The following TMEM44 variants were observed in gnomAD, a reference collection of about 807,000 sequenced individuals.
TMEM44 encodes the protein transmembrane protein 44.
Under a neutral mutation model 47.8 loss-of-function variants are expected in TMEM44, and 43 were observed. That is an observed-to-expected ratio of 0.90 (90% CI 0.70 to 1.16). The LOEUF is 1.16. Ranked by LOEUF, TMEM44 falls within the 50% of genes most tolerant of loss-of-function variation. The probability of loss-of-function intolerance (pLI) is 0.00; values close to 1 mark genes in which losing one functional copy is unlikely to be tolerated. For synonymous variants in TMEM44, 277 were observed against 238.8 expected (o/e 1.16, Z -1.48); for missense variants, 568 against 555.2 (o/e 1.02, Z -0.23).
intron 7 of TMEM44, 147 bp downstream of exon 7, chr3:194,615,422 C>A (rs775758506): frequency 3.5e-6 from 4 of 1,144,306 alleles, no homozygotes; most frequent in African/African-American, 1.6e-5. Context: ...ATTCCCTCAG[C>A]GAGACAGGAC....
chr3:194,604,156 A>C lies in TMEM44; in HGVS notation c.1176+131T>G, dbSNP rs988700876. The C allele has an allele frequency of 4.3e-5, 52 of 1,213,088 alleles. No homozygotes were observed. The African/African-American group carries it at 7.6e-4, about 18-fold the overall frequency. The allele number at this position is 1,213,088 out of a possible 1,614,324, so 75.1% of individuals were successfully genotyped here. A position where few individuals can be genotyped will look rare whatever the true frequency, so the allele number is the denominator to read the frequency against. On this transcript the variant is annotated intron_variant, in intron 9 of 9. Transcript: ENST00000347147. ...GGTGTGAGCCACCGCGCCTGGCCTC[A>C]TTCATTATTTAGCAGGTATGAGGTT...
chr3:194,626,611 C>T (rs897986116), intron 2 of TMEM44, among the ~76,000 whole-genome samples: 1 of 152,040 alleles, frequency 6.6e-6, no homozygotes, highest in Admixed American at 6.5e-5. Context: ...AATGAGGACA[C>T]TCATGTCATA....
At chr3:194,593,255 C>A (rs905050181) in intron 9 of TMEM44, among the ~76,000 whole-genome samples, 1 of 152,048 alleles carries the variant, frequency 6.6e-6, no homozygotes, top group Non-Finnish European at 1.5e-5. Context: ...CTAGCAGTTA[C>A]AATTTAGTTA....
At chr3:194,596,378 T>A (rs1713412013) in intron 9 of TMEM44, among the ~76,000 whole-genome samples, 2 of 152,116 alleles carry the variant, frequency 1.3e-5, no homozygotes, top group Non-Finnish European at 2.9e-5. Context: ...AGTACAGAAG[T>A]TTTCCAGAGT....
chr3:194,633,222 G>T lies in TMEM44; in HGVS notation c.-7C>A, dbSNP rs1718026427. 1 of 1,387,140 alleles carries T rather than the reference G, an allele frequency of 7.2e-7. No homozygotes were observed. The highest frequency in any genetic ancestry group is 3.2e-5 in the East Asian group (1 of 31,722). The allele number at this position is 1,387,140 out of a possible 1,614,324, so 85.9% of individuals were successfully genotyped here. A position where few individuals can be genotyped will look rare whatever the true frequency, so the allele number is the denominator to read the frequency against. On this transcript the variant is annotated 5_prime_UTR_variant, in exon 1 of 10. Coordinates refer to ENST00000347147, the MANE Select transcript of TMEM44 (RefSeq NM_001011655.3). ...GGCTGGGCGCCTCCCCCATGGCGCG[G>T]CTGGGCGCGCGGCGCGGGGCCGGGG...
chr3:194,621,591 G>A (rs1369010798), intron 5 of TMEM44, among the ~76,000 whole-genome samples: 16 of 152,148 alleles, frequency 1.1e-4, no homozygotes, highest in African/African-American at 2.4e-5. Flanking sequence ...CAGGCCCTGC[G>A]AGGCTTCTGG....
rs1248991258 is a variant in TMEM44 at position 194,588,677 on chromosome 3, G to C, written c.1177-38C>G. 5 of 1,572,840 alleles carry C rather than the reference G, an allele frequency of 3.2e-6. No individual in the cohort carries two copies. The African/African-American group carries it at 5.4e-5, about 17-fold the overall frequency. On this transcript the variant is annotated intron_variant, in intron 9 of 9. Coordinates refer to ENST00000347147, the MANE Select transcript of TMEM44 (RefSeq NM_001011655.3). ...GATGCAAAGGGTAGCTGGGTGGAAC[G>C]GATAGATGCTTCTCATCTGTCATAA...
intron 9 of TMEM44, among the ~76,000 whole-genome samples, chr3:194,590,608 G>A (rs1404647984): frequency 1.3e-5 from 2 of 152,148 alleles, no homozygotes; most frequent in Non-Finnish European, 2.9e-5. Context: ...CTAAGCTGAG[G>A]CCTGAGACCT....
At chr3:194,595,955 G>A (rs1713355263) in intron 9 of TMEM44, among the ~76,000 whole-genome samples, 1 of 152,074 alleles carries the variant, frequency 6.6e-6, no homozygotes, top group South Asian at 2.1e-4. Flanking sequence ...TGCTATATCT[G>A]ACAGCCCTCC....
At chr3:194,598,311 GAA>G (rs769398506) in intron 9 of TMEM44, among the ~76,000 whole-genome samples, 1 of 152,110 alleles carries the variant, frequency 6.6e-6, no homozygotes, top group Non-Finnish European at 1.5e-5. Context: ...CAGCTGGAGT[GAA>G]AAGACACCTG....
intron 5 of TMEM44, among the ~76,000 whole-genome samples, chr3:194,620,076 ATG>A (rs1183635379): frequency 3.3e-5 from 5 of 152,092 alleles, no homozygotes; most frequent in African/African-American, 9.7e-5. Flanking sequence ...GGATCACCGA[ATG>A]TCAGGAGTTC....
At chr3:194,615,781 C>G in intron 6 of TMEM44, 84 bp from the exon 7 acceptor site, 2 of 1,538,384 alleles carry the variant, frequency 1.3e-6, no homozygotes, top group Non-Finnish European at 8.8e-7. Context: ...ATGCTGCCAC[C>G]CCCCTCCCCA....
chr3:194,607,218 T>C (rs999803720), intron 8 of TMEM44, among the ~76,000 whole-genome samples: 3 of 152,034 alleles, frequency 2.0e-5, no homozygotes, highest in Non-Finnish European at 4.4e-5. Flanking sequence ...TCTCCTGCCA[T>C]GTGAAGCCTG....
chr3:194,616,208 T>C (rs895690548), intron 6 of TMEM44, among the ~76,000 whole-genome samples: 5 of 152,120 alleles, frequency 3.3e-5, no homozygotes, highest in African/African-American at 1.2e-4. Flanking sequence ...CCTGCCATCA[T>C]GCTCGGGTAA....
At chr3:194,625,221 A>C (rs1717012853) in intron 3 of TMEM44, among the ~76,000 whole-genome samples, 1 of 152,098 alleles carries the variant, frequency 6.6e-6, no homozygotes, top group Non-Finnish European at 1.5e-5. Context: ...TTGCACACTA[A>C]GCTATCACTG....
In TMEM44 at chr3:194,625,997, G is replaced by A. The variant is rs1177043360; in HGVS notation, c.265-7C>T. The A allele has an allele frequency of 6.2e-7, 1 of 1,606,800 alleles. No individual in the cohort carries two copies. Among genetic ancestry groups the A allele is most frequent in the Non-Finnish European group, 8.5e-7 (1 of 1,173,548 alleles). On this transcript the variant is annotated splice_region_variant and splice_polypyrimidine_tract_variant and intron_variant, in intron 2 of 9. Transcript: ENST00000347147. ...GGTAGGCACCAGTGAAAACCTGGGA[G>A]CAAACGGGAAGAGAGTCTTGGCATT...
At position 194,623,200 on chromosome 3, in the gene TMEM44, T is replaced by C. The variant is rs764252559; in HGVS notation, c.612+24A>G. The stretch of plus-strand genomic sequence containing the variant: ...CCTGAGACTGTCATGTGACCCACAG[T>C]CCCATCCCCACCCCCGGCCTCACAA... On this transcript the variant is annotated intron_variant, in intron 5 of 9. Transcript: ENST00000347147. 3.1e-5 allele frequency: 50 copies of C among 1,587,630 alleles called. 2 individuals carry two copies. In the South Asian group the frequency reaches 5.4e-4, roughly 17 times the overall value.
At chr3:194,617,299 G>GGGGGGGGGGC in intron 5 of TMEM44, 30 bp from the exon 6 acceptor site, 13 of 619,666 alleles carry the variant, frequency 2.1e-5, no homozygotes, top group Non-Finnish European at 3.2e-5. Context: ...GGCTGGGCGG[G>GGGGGGGGGGC]AGAAGCAGCA....
At chr3:194,608,517 G>T (rs1473275306) in intron 8 of TMEM44, among the ~76,000 whole-genome samples, 4 of 152,204 alleles carry the variant, frequency 2.6e-5, no homozygotes, top group African/African-American at 7.2e-5. Context: ...GCTTTGCAGA[G>T]AATTTCAATA....
Sources: gnomAD v4.1 joint callset for allele counts (sites outside exome capture counted in the v4.1 genomes callset) on GRCh38, gnomAD v4.1.1 for gene constraint, MANE v1.5 for transcripts, NCBI Gene and HGNC (gene_info 2026-07-23, HGNC 2026-07-21) for gene names.